Variants in SIPA1L1 observed in about 807,000 individuals in gnomAD.
SIPA1L1 encodes the protein signal induced proliferation associated 1 like 1.
SIPA1L1 carries 26 observed loss-of-function variants against 162.7 expected under a neutral mutation model. The observed-to-expected ratio is 0.16, with a 90% CI of 0.12 to 0.22. The LOEUF (loss-of-function observed/expected upper bound fraction) is 0.22. Ranked by LOEUF, SIPA1L1 falls within the 10% of genes least tolerant of loss-of-function variation. The pLI is 1.00. For synonymous variants in SIPA1L1, 829 were observed against 837.4 expected, an observed-to-expected ratio of 0.99 and a Z score of 0.17; for missense variants, 1,874 against 2,241.0, an observed-to-expected ratio of 0.84 and a Z score of 3.31.
intron 2 of SIPA1L1, among the ~76,000 whole-genome samples, chr14:71,434,214 C>G (rs1168760196): frequency 6.6e-6 from 1 of 152,158 alleles, no homozygotes; most frequent in Non-Finnish European, 1.5e-5. Flanking sequence ...TTGACAGCCT[C>G]TACTGTTAAG....
chr14:71,691,971 C>G (rs1219149693), intron 13 of SIPA1L1, among the ~76,000 whole-genome samples: 1 of 152,194 alleles, frequency 6.6e-6, no homozygotes. Context: ...ATTCCAAATA[C>G]CAGCCACAGA....
chr14:71,738,350 T>C (rs1458891929), intron 23 of SIPA1L1, 25 bp downstream of exon 23: 4 of 1,525,846 alleles, frequency 2.6e-6, no homozygotes, highest in Non-Finnish European at 3.6e-6. Context: ...TCAAAGCAAA[T>C]TGTCCAGTCT....
intron 4 of SIPA1L1, among the ~76,000 whole-genome samples, chr14:71,552,494 A>C (rs1336210325): frequency 1.5e-3 from 226 of 151,158 alleles, no homozygotes; most frequent in Non-Finnish European, 2.5e-3. Context: ...CAGGTTCACG[A>C]CATTCTCCTG....
rs372561191 is a variant in SIPA1L1, at chr14:71,395,195, C to T, written c.-465+74014C>T. Among the ~76,000 whole-genome samples the T allele has an allele frequency of 3.4e-4, 51 of 152,236 alleles. No individual in the cohort carries two copies. The East Asian group carries it at 6.4e-3, about 19-fold the overall frequency. Reference sequence around the variant, plus strand: ...TGATGTAATAACAGAGAAAAATATGCGTAATTTTGGCAAGTGTGAAATTGT... The same window carrying T: ...TGATGTAATAACAGAGAAAAATATGTGTAATTTTGGCAAGTGTGAAATTGT... On this transcript the variant is annotated intron_variant, in intron 2 of 23. Transcript: ENST00000381232.
chr14:71,452,545 G>A (rs2141592641), intron 2 of SIPA1L1, among the ~76,000 whole-genome samples: 1 of 152,168 alleles, frequency 6.6e-6, no homozygotes, highest in Non-Finnish European at 1.5e-5. Context: ...TCTATACCTG[G>A]GAGTGGGATT....
intron 4 of SIPA1L1, among the ~76,000 whole-genome samples, chr14:71,578,198 T>C (rs1335163304): frequency 6.6e-6 from 1 of 152,190 alleles, no homozygotes. Context: ...CGTGAGCCAC[T>C]GCTCCCGGAC....
intron 4 of SIPA1L1, among the ~76,000 whole-genome samples, chr14:71,577,569 G>C (rs1399127233): frequency 6.6e-6 from 1 of 151,868 alleles, no homozygotes; most frequent in African/African-American, 2.4e-5. Flanking sequence ...AGTAGAGGTG[G>C]GGTTTCACCA....
intron 8 of SIPA1L1, among the ~76,000 whole-genome samples, chr14:71,654,811 A>T (rs934240200): frequency 1.3e-5 from 2 of 152,110 alleles, no homozygotes; most frequent in Non-Finnish European, 2.9e-5. Context: ...GTTGCTCAAT[A>T]CGCTCTTCAA....
intron 5 of SIPA1L1, among the ~76,000 whole-genome samples, chr14:71,609,073 A>C (rs2037875513): frequency 6.6e-6 from 1 of 152,150 alleles, no homozygotes; most frequent in Non-Finnish European, 1.5e-5. Context: ...AGGAGTCTTA[A>C]ATACAGTTGT....
At chr14:71,357,863 G>T (rs2037425267) in intron 2 of SIPA1L1, among the ~76,000 whole-genome samples, 1 of 152,218 alleles carries the variant, frequency 6.6e-6, no homozygotes, top group South Asian at 2.1e-4. Context: ...AAGTAGCTGG[G>T]ATTACAGGTG....
chr14:71,345,971 G>A (rs368587398), intron 2 of SIPA1L1, among the ~76,000 whole-genome samples: 35 of 152,076 alleles, frequency 2.3e-4, no homozygotes, highest in African/African-American at 7.5e-4. Flanking sequence ...GCAGTGGCAC[G>A]ATCTTCGCTC....
At chr14:71,635,789 G>C (rs1468224551) in intron 7 of SIPA1L1, among the ~76,000 whole-genome samples, 8 of 152,148 alleles carry the variant, frequency 5.3e-5, no homozygotes, top group African/African-American at 1.9e-4. Flanking sequence ...ACAGAGATTG[G>C]TAGACTGGAT....
chr14:71,730,061 G>C lies in SIPA1L1; in HGVS notation c.4621G>C (p.Ala1541Pro), dbSNP rs769369147. 5.6e-6 allele frequency: 9 copies of C among 1,613,246 alleles called. No individual in the cohort carries two copies. In the East Asian group the frequency reaches 1.8e-4, roughly 32 times the overall value. Reference sequence around the variant, plus strand: ...TCTTGATCCTGTTTTTCAGTTCCACGCACTCTCCTCTCCTCAGTCTCCTTT... The same window carrying C: ...TCTTGATCCTGTTTTTCAGTTCCACCCACTCTCCTCTCCTCAGTCTCCTTT... ...PESQKSFKFH[A>P]LSSPQSPFPS... Residue 1541 changes from alanine to proline, a missense_variant, in exon 20 of 24, where the codon GCA becomes CCA. By Grantham distance (27) the Ala-to-Pro change is conservative. This residue lies in a region of SIPA1L1 where 936 missense variants were observed against 1,051.9 expected (regional missense o/e 0.89). Transcript: ENST00000381232.
Position 71,702,517 on chromosome 14 carries a change from A to G in SIPA1L1, c.3646+12A>G, listed in dbSNP as rs772104627. 6 of 1,612,788 alleles carry G rather than the reference A, an allele frequency of 3.7e-6. No individual in the cohort carries two copies. Among genetic ancestry groups the G allele is most frequent in the Middle Eastern group, 1.7e-4 (1 of 6,060 alleles). Reference sequence around the variant, plus strand: ...TGCTGACCAGATGGGTAAGTAATCAATTTCTACAAGAAGAAAGTTGCTTTT... The same window carrying G: ...TGCTGACCAGATGGGTAAGTAATCAGTTTCTACAAGAAGAAAGTTGCTTTT... On this transcript the variant is annotated intron_variant, in intron 15 of 23. Coordinates refer to ENST00000381232, the MANE Select transcript of SIPA1L1 (RefSeq NM_001386936.1).
At chr14:71,629,583 G>A (rs191133524) in intron 7 of SIPA1L1, among the ~76,000 whole-genome samples, 8 of 152,242 alleles carry the variant, frequency 5.3e-5, no homozygotes, top group Non-Finnish European at 8.8e-5. Flanking sequence ...GAATGGGTCT[G>A]GTTTATAAAT....
At chr14:71,676,733 T>G (rs2045240249) in intron 12 of SIPA1L1, among the ~76,000 whole-genome samples, 1 of 151,194 alleles carries the variant, frequency 6.6e-6, no homozygotes. Context: ...GTGTTTGGTT[T>G]TTTTGTCCTT....
chr14:71,352,409 C>T (rs780262740), intron 2 of SIPA1L1, among the ~76,000 whole-genome samples: 30 of 152,308 alleles, frequency 2.0e-4, no homozygotes, highest in Non-Finnish European at 3.7e-4. Context: ...GGTTACCCCC[C>T]CTCCTAGTTG....
chr14:71,474,418 A>C (rs36528), intron 2 of SIPA1L1, among the ~76,000 whole-genome samples: 88,799 of 152,048 alleles, frequency 0.58, 26,688 homozygotes, highest in East Asian at 0.77. Context: ...TGGGAGATAC[A>C]GTCCTTTGCA....
intron 2 of SIPA1L1, among the ~76,000 whole-genome samples, chr14:71,485,712 A>G (rs2048701244): frequency 6.6e-6 from 1 of 152,160 alleles, no homozygotes; most frequent in South Asian, 2.1e-4. Flanking sequence ...TACTTGAATC[A>G]TCCTGAAACC....
Sources: allele counts gnomAD v4.1 joint callset (sites outside exome capture counted in the v4.1 genomes callset), GRCh38; gene constraint gnomAD v4.1.1; regional missense constraint gnomAD v4.1.1; transcripts MANE v1.5; gene names NCBI Gene and HGNC (gene_info 2026-07-23, HGNC 2026-07-21).